The following PLXDC2 variants were observed in gnomAD, a reference collection of about 807,000 sequenced individuals.
PLXDC2 encodes the protein plexin domain containing 2, also known as plexin domain-containing protein 2.
A neutral mutation model predicts 68.9 loss-of-function variants in PLXDC2; 40 were observed. The ratio of observed to expected loss-of-function variants is 0.58; its 90% CI spans 0.45 to 0.76. The LOEUF (loss-of-function observed/expected upper bound fraction) is 0.76, where lower values mean the gene tolerates loss of function less well. Among genes scored for constraint, PLXDC2 ranks in the 30% least tolerant of loss-of-function variants. The pLI, the probability that PLXDC2 is intolerant of heterozygous loss-of-function variation, is 0.00. For missense variants in PLXDC2, 644 were observed against 661.9 expected (o/e 0.97, Z 0.30); for synonymous variants, 243 against 234.2 (o/e 1.04, Z -0.34).
chr10:20,018,428 A>G lies in PLXDC2; in HGVS notation c.324+16442A>G, dbSNP rs186983873. Among the ~76,000 whole-genome samples the G allele has an allele frequency of 3.6e-3, 551 of 152,292 alleles. 2 individuals carry two copies. The highest frequency in any genetic ancestry group is 0.014 in the Middle Eastern group (4 of 294). ...TGAAATACTTCCTTTTGCTTCTATT[A>G]AGAACAAATCATTAAAAATAAGAAA... On this transcript the variant is annotated intron_variant, in intron 2 of 13. Coordinates refer to ENST00000377252, the MANE Select transcript of PLXDC2 (RefSeq NM_032812.9).
chr10:19,910,131 G>A (rs1833239759), intron 1 of PLXDC2, among the ~76,000 whole-genome samples: 1 of 149,516 alleles, frequency 6.7e-6, no homozygotes, highest in Admixed American at 6.7e-5. Context: ...CGAACCCCAG[G>A]GACAGGACGT....
rs546778331 is a variant in PLXDC2, at chr10:20,267,793, T to C, written c.1474-11910T>C. ...AACAAAACAAAAACAAAAGAAGTTA[T>C]TTTTATAGGTTCTAATTGTTATATC... On this transcript the variant is annotated intron_variant, in intron 13 of 13. Transcript: ENST00000377252. Among the ~76,000 whole-genome samples the C allele has an allele frequency of 6.6e-5, 10 of 152,204 alleles. No individual in the cohort carries two copies. The South Asian group carries it at 2.1e-3, about 32-fold the overall frequency.
intron 1 of PLXDC2, among the ~76,000 whole-genome samples, chr10:19,932,296 A>C (rs1359442561): frequency 2.0e-5 from 3 of 151,850 alleles, no homozygotes; most frequent in African/African-American, 4.8e-5. Flanking sequence ...CCTTCTCCAC[A>C]ATCCCTCCAC....
intron 13 of PLXDC2, among the ~76,000 whole-genome samples, chr10:20,251,438 A>G (rs932245274): frequency 7.2e-5 from 11 of 152,138 alleles, no homozygotes; most frequent in African/African-American, 2.7e-4. Flanking sequence ...TGATGAAACT[A>G]GTATCTTTTT....
intron 4 of PLXDC2, among the ~76,000 whole-genome samples, chr10:20,072,543 G>GAAAGAAAGA (rs1554764557): frequency 1.9e-4 from 11 of 58,994 alleles, no homozygotes; most frequent in African/African-American, 1.6e-3. Context: ...AAGAAAGAAA[G>GAAAGAAAGA]AAAGAAAGAA....
chr10:19,983,582 C>CA (rs1368669211), intron 1 of PLXDC2, among the ~76,000 whole-genome samples: 1 of 152,138 alleles, frequency 6.6e-6, no homozygotes. Flanking sequence ...TAGGTAACTC[C>CA]AAAGAAACTA....
At chr10:19,923,970 G>A (rs1441057881) in intron 1 of PLXDC2, among the ~76,000 whole-genome samples, 2 of 152,142 alleles carry the variant, frequency 1.3e-5, no homozygotes, top group Admixed American at 1.3e-4. Context: ...AGGCTGAAGG[G>A]GAAGGATTGC....
intron 9 of PLXDC2, among the ~76,000 whole-genome samples, chr10:20,184,404 C>T (rs964708220): frequency 4.2e-4 from 62 of 148,106 alleles, no homozygotes; most frequent in Admixed American, 1.0e-3. Context: ...TGTATACAAA[C>T]GATATATAGT....
At chr10:20,268,183 T>C (rs1835894838) in intron 13 of PLXDC2, among the ~76,000 whole-genome samples, 1 of 152,208 alleles carries the variant, frequency 6.6e-6, no homozygotes, top group Non-Finnish European at 1.5e-5. Flanking sequence ...TTGTTCCTTT[T>C]TTCAGGGTCA....
intron 9 of PLXDC2, among the ~76,000 whole-genome samples, chr10:20,193,963 G>A (rs1358641483): frequency 6.6e-6 from 1 of 152,088 alleles, no homozygotes; most frequent in East Asian, 1.9e-4. Context: ...ATGCTTTAAA[G>A]TGGAATGAAT....
At chr10:20,217,377 A>C in intron 10 of PLXDC2, 49 bp from the exon 11 acceptor site, 1 of 1,515,598 alleles carries the variant, frequency 6.6e-7, no homozygotes, top group Non-Finnish European at 8.9e-7. Flanking sequence ...AGTTCTAAAA[A>C]TAGATTTGTG....
intron 1 of PLXDC2, among the ~76,000 whole-genome samples, chr10:19,817,786 G>A (rs1037836616): frequency 8.5e-5 from 13 of 152,210 alleles, no homozygotes; most frequent in Admixed American, 1.3e-4. Context: ...AGGTGGAGGC[G>A]GGCTCGCCTC....
chr10:20,073,397 T>C (rs1429531278), intron 4 of PLXDC2, among the ~76,000 whole-genome samples: 3 of 152,236 alleles, frequency 2.0e-5, no homozygotes, highest in Non-Finnish European at 4.4e-5. Context: ...GAAAGTTGTT[T>C]AACAATATAG....
At chr10:19,904,361 C>T (rs572342855) in intron 1 of PLXDC2, among the ~76,000 whole-genome samples, 12 of 152,150 alleles carry the variant, frequency 7.9e-5, no homozygotes, top group South Asian at 4.2e-4. Context: ...ATTATGGTTG[C>T]CTCTGCTGAG....
intron 4 of PLXDC2, among the ~76,000 whole-genome samples, chr10:20,078,261 T>C (rs1053210201): frequency 2.0e-5 from 3 of 152,132 alleles, no homozygotes; most frequent in Admixed American, 6.6e-5. Context: ...TATGCTTCTG[T>C]AGTCCCAGCT....
chr10:20,270,881 A>G (rs1364400804), intron 13 of PLXDC2, among the ~76,000 whole-genome samples: 1 of 151,950 alleles, frequency 6.6e-6, no homozygotes, highest in Non-Finnish European at 1.5e-5. Context: ...TAGGAAGGAA[A>G]GTGACAGGAT....
At chr10:20,039,655 CAATT>C (rs1256726480) in intron 2 of PLXDC2, among the ~76,000 whole-genome samples, 1 of 151,994 alleles carries the variant, frequency 6.6e-6, no homozygotes, top group Non-Finnish European at 1.5e-5. Flanking sequence ...AAAAAATCAA[CAATT>C]AATACCTTTG....
At chr10:20,161,254 T>G (rs1255186679) in intron 6 of PLXDC2, among the ~76,000 whole-genome samples, 6 of 152,050 alleles carry the variant, frequency 3.9e-5, no homozygotes, top group Non-Finnish European at 8.8e-5. Flanking sequence ...AGCTTCTGAA[T>G]GTGTAAGCTG....
rs116015542 is a variant in PLXDC2, at chr10:19,860,208, G to A, written c.112+43017G>A. Among the ~76,000 whole-genome samples, 541 of 152,208 alleles carry A rather than the reference G, an allele frequency of 3.6e-3. 5 individuals are homozygous for A. The highest frequency in any genetic ancestry group is 0.012 in the African/African-American group (507 of 41,526). On this transcript the variant is annotated intron_variant, in intron 1 of 13. Transcript: ENST00000377252. ...ATTAGACCTTGGCTTTGTCATGCAG[G>A]GTGCAGTTTGCAATCATTGATCTGA... is the stretch of plus-strand genomic sequence containing the variant.
Sources: gnomAD v4.1 joint callset for allele counts (sites outside exome capture counted in the v4.1 genomes callset) on GRCh38, gnomAD v4.1.1 for gene constraint, MANE v1.5 for transcripts, NCBI Gene and HGNC (gene_info 2026-07-23, HGNC 2026-07-21) for gene names.